The following ZNF610 variants were observed in gnomAD, a reference collection of about 807,000 sequenced individuals.
The protein encoded by ZNF610 is zink finger protein.
A neutral mutation model predicts 14.1 loss-of-function variants in ZNF610; 14 were observed. The ratio of observed to expected loss-of-function variants is 0.99; its 90% CI spans 0.65 to 1.55. ZNF610 has a LOEUF of 1.55. ZNF610 is among the 40% of genes most tolerant of loss of function. The pLI, the probability that ZNF610 is intolerant of heterozygous loss-of-function variation, is 0.00. For synonymous variants in ZNF610, 185 were observed against 187.6 expected, an observed-to-expected ratio of 0.99 and a Z score of 0.11; for missense variants, 530 against 558.0, an observed-to-expected ratio of 0.95 and a Z score of 0.51.
chr19:52,353,319 T>A (rs1985349277), intron 3 of ZNF610, among the ~76,000 whole-genome samples: 1 of 152,218 alleles, frequency 6.6e-6, no homozygotes, highest in African/African-American at 2.4e-5. Flanking sequence ...ATCAATAAAC[T>A]CCATTGGGCT....
intron 3 of ZNF610, among the ~76,000 whole-genome samples, chr19:52,350,286 C>G (rs565496131): frequency 2.6e-5 from 4 of 152,294 alleles, no homozygotes; most frequent in Non-Finnish European, 1.5e-5. Flanking sequence ...CCTCCCCTGC[C>G]CTGCCCTGTG....
At position 52,365,892 on chromosome 19, in the gene ZNF610, A is replaced by G; in HGVS notation, c.514A>G (p.Thr172Ala). ...ACTTCAAAAAATTTCTTCTAGTTTC[A>G]CAACACACATTTTTAATAAATATAG... ...SPLQKISSSFTTHIFNKYRND... is the reference protein window; with the variant it reads ...SPLQKISSSFATHIFNKYRND... The change falls in exon 6 of 6, where the codon ACA (threonine) becomes GCA (alanine). Residue 172 changes from threonine to alanine, a missense_variant. Physicochemically the swap from Thr to Ala is moderately conservative, Grantham distance 58. Coordinates refer to ENST00000403906, the MANE Select transcript of ZNF610 (RefSeq NM_001161425.2). 2 of 1,613,024 alleles carry G rather than the reference A, an allele frequency of 1.2e-6. No individual in the cohort carries two copies. Among genetic ancestry groups the G allele is most frequent in the African/African-American group, 2.7e-5 (2 of 74,914 alleles).
rs765269667 is a variant in ZNF610 at position 52,366,404 on chromosome 19, A to G, written c.1026A>G (p.Lys342=). ...ATCAGAGAAGTCACACGGCGGAAAA[A>G]CCTTACAAATGTAATGAATGTGGCA... The part of the protein sequence containing the change: ...TNHQRSHTAE[K]PYKCNECGKV... Residue 342 remains lysine (K), a synonymous_variant, in exon 6 of 6, where the codon AAA becomes AAG. Transcript: ENST00000403906. 1 of 1,614,018 alleles carries G rather than the reference A, an allele frequency of 6.2e-7. No individual in the cohort carries two copies.
At chr19:52,349,354 T>C in intron 3 of ZNF610, 119 bp downstream of exon 3, 4 of 1,369,356 alleles carry the variant, frequency 2.9e-6, no homozygotes, top group Non-Finnish European at 4.1e-6. Flanking sequence ...TTCATCTCGC[T>C]TAGATTCTAT....
chr19:52,354,894 A>G (rs1037813030), intron 5 of ZNF610, among the ~76,000 whole-genome samples: 3 of 152,072 alleles, frequency 2.0e-5, no homozygotes, highest in Admixed American at 6.6e-5. Flanking sequence ...TAACTATTCA[A>G]GAGTGTGTGG....
upstream of ZNF610, among the ~76,000 whole-genome samples, chr19:52,331,359 G>A (rs866334916): frequency 6.6e-4 from 101 of 152,210 alleles, no homozygotes; most frequent in African/African-American, 2.4e-3. Context: ...TACCTAACCA[G>A]TACTCCTCAA....
chr19:52,338,286 A>C (rs866051789), intron 1 of ZNF610, among the ~76,000 whole-genome samples: 1 of 152,220 alleles, frequency 6.6e-6, no homozygotes, highest in Non-Finnish European at 1.5e-5. Context: ...CACAGAACTC[A>C]GGGAAACTTT....
chr19:52,350,082 C>A (rs1383539569), intron 3 of ZNF610, among the ~76,000 whole-genome samples: 1 of 152,074 alleles, frequency 6.6e-6, no homozygotes, highest in East Asian at 1.9e-4. Flanking sequence ...TCTTGTACAG[C>A]ATCTGTGTTA....
intron 5 of ZNF610, among the ~76,000 whole-genome samples, chr19:52,360,892 G>A (rs1320079838): frequency 6.6e-6 from 1 of 152,158 alleles, no homozygotes; most frequent in Admixed American, 6.6e-5. Context: ...TGCCTTTTCT[G>A]TCAAGGTGAC....
chr19:52,351,749 T>C (rs1268146751), intron 3 of ZNF610, among the ~76,000 whole-genome samples: 1 of 152,216 alleles, frequency 6.6e-6, no homozygotes, highest in East Asian at 1.9e-4. Flanking sequence ...TGATTTATGC[T>C]GATGCCTTTG....
chr19:52,362,539 C>T (rs996139140), intron 5 of ZNF610, among the ~76,000 whole-genome samples: 2 of 152,242 alleles, frequency 1.3e-5, no homozygotes, highest in African/African-American at 4.8e-5. Context: ...AGATGTGAGG[C>T]ATCATGCCTG....
chr19:52,357,321 A>G (rs1389279101), intron 5 of ZNF610, among the ~76,000 whole-genome samples: 1 of 152,174 alleles, frequency 6.6e-6, no homozygotes, highest in Admixed American at 6.5e-5. Context: ...GTTTGAGACC[A>G]GCAACATAAT....
At chr19:52,342,331 A>G (rs1984724257) in intron 1 of ZNF610, among the ~76,000 whole-genome samples, 1 of 151,982 alleles carries the variant, frequency 6.6e-6, no homozygotes. Flanking sequence ...TTCCTCTAGG[A>G]AGTACCCCTC....
At chr19:52,352,840 TTTG>T (rs944978214) in intron 3 of ZNF610, among the ~76,000 whole-genome samples, 2 of 151,894 alleles carry the variant, frequency 1.3e-5, no homozygotes, top group East Asian at 1.9e-4. Flanking sequence ...TCATGTTTTT[TTTG>T]TTTGTTTGTT....
At chr19:52,364,051 TA>T (rs1339240274) in intron 5 of ZNF610, among the ~76,000 whole-genome samples, 6 of 152,222 alleles carry the variant, frequency 3.9e-5, no homozygotes, top group Admixed American at 2.0e-4. Context: ...TGAAGTTACA[TA>T]AAACATTGTA....
chr19:52,360,268 C>G (rs1403047449), intron 5 of ZNF610, among the ~76,000 whole-genome samples: 1 of 152,190 alleles, frequency 6.6e-6, no homozygotes, highest in Non-Finnish European at 1.5e-5. Context: ...GTTCTGTTTC[C>G]TGAGTTCTGC....
chr19:52,343,901 T>G (rs1053479999), intron 1 of ZNF610, among the ~76,000 whole-genome samples: 3 of 152,148 alleles, frequency 2.0e-5, no homozygotes, highest in African/African-American at 7.2e-5. Flanking sequence ...GTCAACCTCT[T>G]GAATTTCTGT....
Position 52,365,679 on chromosome 19 carries a change from A to AG in ZNF610, c.320-19_320-18insG. 5.1e-6 allele frequency: 8 copies of AG among 1,578,042 alleles called. No homozygotes were observed. Among genetic ancestry groups the AG allele is most frequent in the Non-Finnish European group, 6.9e-6 (8 of 1,164,440 alleles). On this transcript the variant is annotated intron_variant, in intron 5 of 5. Coordinates refer to ENST00000403906, the MANE Select transcript of ZNF610 (RefSeq NM_001161425.2). ...TGCCAGAATCATGGGTTCATGTTCT[A>AG]CTCTTTCTTCTTTTCTAGGGAGGAG... is the stretch of plus-strand genomic sequence containing the variant.
At chr19:52,346,347 T>G (rs1439288971) in intron 1 of ZNF610, among the ~76,000 whole-genome samples, 1 of 149,560 alleles carries the variant, frequency 6.7e-6, no homozygotes, top group Non-Finnish European at 1.5e-5. Flanking sequence ...GTATTTTTAG[T>G]AGAGACGGGG....
Sources: gnomAD v4.1 joint callset for allele counts (sites outside exome capture counted in the v4.1 genomes callset) on GRCh38, gnomAD v4.1.1 for gene constraint, MANE v1.5 for transcripts, NCBI Gene and HGNC (gene_info 2026-07-23, HGNC 2026-07-21) for gene names.